CCDC180: variants seen among roughly 807,000 people sequenced by gnomAD.
CCDC180 encodes the protein coiled-coil domain-containing protein 180.
In CCDC180, 154 loss-of-function variants were observed where a neutral mutation model predicts 209.2. That is an observed-to-expected ratio of 0.74 (90% CI 0.65 to 0.84). The LOEUF is 0.84. CCDC180 is among the 40% of genes least tolerant of loss of function. The pLI, the probability that CCDC180 is intolerant of heterozygous loss-of-function variation, is 0.00. For synonymous variants in CCDC180, 778 were observed against 749.1 expected (o/e 1.04, Z -0.63); for missense variants, 1,874 against 1,997.3 (o/e 0.94, Z 1.18).
In CCDC180 at chr9:97,313,271, C is replaced by A; in HGVS notation, c.385C>A (p.Gln129Lys). The A allele has an allele frequency of 1.2e-6, 2 of 1,612,172 alleles. No individual in the cohort carries two copies. The highest frequency in any genetic ancestry group is 2.2e-5 in the South Asian group (2 of 91,002). ...EKISTSTFQR[Q>K]AEHKRKSYES... ...GATAAGCACCAGCACCTTTCAAAGG[C>A]AAGCAGAACACAAGAGGAAGAGCTA... The change falls in exon 5 of 37, where the codon CAA (glutamine) becomes AAA (lysine). Residue 129 changes from glutamine to lysine, a missense_variant. Gln to Lys is a moderately conservative substitution (Grantham distance 53). Transcript: ENST00000529487.
rs1275990027 is a variant in CCDC180, at chr9:97,314,968, G to C, written c.795+22G>C. The C allele has an allele frequency of 3.8e-6, 6 of 1,592,502 alleles. No homozygotes were observed. In the Admixed American group the frequency reaches 1.0e-4, roughly 27 times the overall value. On this transcript the variant is annotated intron_variant, in intron 8 of 36. Coordinates refer to ENST00000529487, the MANE Select transcript of CCDC180 (RefSeq NM_020893.6). ...CATGGTGAGTGGTTTTCCTGTGCAG[G>C]GATCAGCCCATGGGAGAAGGGGCAG...
At chr9:97,349,359 A>G (rs1050168413) in intron 21 of CCDC180, 68 bp downstream of exon 21, 39 of 1,377,848 alleles carry the variant, frequency 2.8e-5, no homozygotes, top group Non-Finnish European at 5.9e-6. Flanking sequence ...TGCTGCTTTC[A>G]AAGGAGCCCC....
chr9:97,333,509 T>TG, intron 18 of CCDC180, among the ~76,000 whole-genome samples: 3 of 77,076 alleles, frequency 3.9e-5, no homozygotes, highest in African/African-American at 2.5e-4. Context: ...TTGGGTTTTT[T>TG]TTTTTTTTTT....
Position 97,328,218 on chromosome 9 carries a change from T to C in CCDC180, c.1788+72T>C, listed in dbSNP as rs1833600803. Reference sequence around the variant, plus strand: ...GGGAGAGGCTGACTTCTTGTTATGATCTGCCTAGACTTTGAAAGCCATTCC... The same window carrying C: ...GGGAGAGGCTGACTTCTTGTTATGACCTGCCTAGACTTTGAAAGCCATTCC... On this transcript the variant is annotated intron_variant, in intron 16 of 36. Coordinates refer to ENST00000529487, the MANE Select transcript of CCDC180 (RefSeq NM_020893.6). 3.2e-6 allele frequency: 5 copies of C among 1,550,298 alleles called. No individual in the cohort carries two copies. In the Middle Eastern group the frequency reaches 6.9e-4, roughly 213 times the overall value.
chr9:97,343,715 A>G (rs1826162509), intron 19 of CCDC180, 152 bp downstream of exon 19: 1 of 631,628 alleles, frequency 1.6e-6, no homozygotes, highest in South Asian at 2.0e-5. Flanking sequence ...GAAACACAAT[A>G]AAAAATGGCA....
In CCDC180 at chr9:97,350,350, T is replaced by G; in HGVS notation, c.2856-59T>G. On this transcript the variant is annotated intron_variant, in intron 21 of 36. Coordinates refer to ENST00000529487, the MANE Select transcript of CCDC180 (RefSeq NM_020893.6). ...GCTGATCACCATCACCACCTGCCCC[T>G]CCCTTGTCCCCCAGGGTTGTCCCCC... 2.7e-6 allele frequency: 4 copies of G among 1,502,234 alleles called. No individual in the cohort carries two copies. The East Asian group carries it at 9.9e-5, about 37-fold the overall frequency. The allele number at this position is 1,502,234 out of a possible 1,614,324, so 93.1% of individuals were successfully genotyped here.
intron 18 of CCDC180, among the ~76,000 whole-genome samples, chr9:97,336,724 A>T (rs949724993): frequency 5.9e-5 from 9 of 152,114 alleles, no homozygotes; most frequent in East Asian, 1.9e-4. Flanking sequence ...CTTGATGGGG[A>T]TGGCATTGAA....
intron 18 of CCDC180, among the ~76,000 whole-genome samples, chr9:97,338,141 T>C (rs1288420736): frequency 2.6e-5 from 4 of 152,134 alleles, no homozygotes; most frequent in African/African-American, 9.7e-5. Context: ...TTTTGAAAGG[T>C]TTTTTGTGTC....
chr9:97,321,004 C>T (rs4743074), intron 11 of CCDC180, among the ~76,000 whole-genome samples: 44,812 of 151,928 alleles, frequency 0.29, 7,257 homozygotes, highest in African/African-American at 0.41. Flanking sequence ...TGCCTGGATA[C>T]GTGGTGTGAT....
At chr9:97,365,943 A>G (rs1826908461) in intron 30 of CCDC180, among the ~76,000 whole-genome samples, 1 of 152,236 alleles carries the variant, frequency 6.6e-6, no homozygotes, top group South Asian at 2.1e-4. Flanking sequence ...TTGATCACCA[A>G]ACATTTCTTA....
chr9:97,355,635 CAG>C (rs1826560986), intron 24 of CCDC180, among the ~76,000 whole-genome samples: 1 of 152,178 alleles, frequency 6.6e-6, no homozygotes, highest in Non-Finnish European at 1.5e-5. Flanking sequence ...GGTAGGAACA[CAG>C]AGCTCTTAAA....
At chr9:97,324,289 GTC>G (rs1195089847) in intron 13 of CCDC180, among the ~76,000 whole-genome samples, 2 of 152,202 alleles carry the variant, frequency 1.3e-5, no homozygotes, top group Non-Finnish European at 2.9e-5. Flanking sequence ...GGGCCATCAG[GTC>G]TCTGACGCAC....
chr9:97,318,326 G>C (rs930701528), intron 9 of CCDC180, 137 bp from the exon 10 acceptor site: 2 of 1,032,402 alleles, frequency 1.9e-6, no homozygotes, highest in African/African-American at 3.2e-5. Context: ...GCAAAGTCTG[G>C]GGAGGAAGGG....
At position 97,347,338 on chromosome 9, in the gene CCDC180, C is replaced by T. The variant is rs1479142624; in HGVS notation, c.2523C>T (p.His841=). The change falls in exon 20 of 37, where the codon CAC becomes CAT. Residue 841 remains histidine (H), a synonymous_variant. Coordinates refer to ENST00000529487, the MANE Select transcript of CCDC180 (RefSeq NM_020893.6). ...GACTTCGAGCTGGCTTCTTCGAGCA[C>T]CTTGAGAAGTGGTTTGACCAGTGTT... ...KKQLRAGFFE[H]LEKWFDQCSL... is the part of the protein sequence containing the mutation. 1 of 1,536,046 alleles carries T rather than the reference C, an allele frequency of 6.5e-7. No individual in the cohort carries two copies. Among genetic ancestry groups the T allele is most frequent in the South Asian group, 1.2e-5 (1 of 84,052 alleles).
chr9:97,357,669 C>T lies in CCDC180; in HGVS notation c.3307C>T (p.Leu1103=). 1 of 1,613,618 alleles carries T rather than the reference C, an allele frequency of 6.2e-7. No homozygotes were observed. Among genetic ancestry groups the T allele is most frequent in the African/African-American group, 1.3e-5 (1 of 74,994 alleles). Residue 1103 remains leucine (L), a synonymous_variant, in exon 25 of 37, where the codon CTG becomes TTG. Coordinates refer to ENST00000529487, the MANE Select transcript of CCDC180 (RefSeq NM_020893.6). ...GCAAACAAATGGATTAAATTTCTCT[C>T]TGCAACAGCTTCAGAACAAGATAAA... The part of the protein sequence containing the change: ...NSQTNGLNFS[L]QQLQNKIKTC...
intron 29 of CCDC180, 135 bp downstream of exon 29, chr9:97,364,263 A>G: frequency 1.4e-6 from 1 of 718,894 alleles, no homozygotes; most frequent in Non-Finnish European, 2.3e-6. Flanking sequence ...GAGAGGAGAT[A>G]GCAAGGTCAA....
At chr9:97,365,861 C>T in intron 30 of CCDC180, 122 bp downstream of exon 30, 1 of 787,262 alleles carries the variant, frequency 1.3e-6, no homozygotes. Context: ...GCCATGACCA[C>T]AGCTCCCCAG....
At chr9:97,314,978 A>G (rs1459525880) in intron 8 of CCDC180, 32 bp downstream of exon 8, 8 of 1,562,188 alleles carry the variant, frequency 5.1e-6, no homozygotes, top group Non-Finnish European at 7.1e-6. Context: ...GGATCAGCCC[A>G]TGGGAGAAGG....
At chr9:97,325,314 C>T (rs1833497144) in intron 14 of CCDC180, 122 bp downstream of exon 14, 3 of 1,023,984 alleles carry the variant, frequency 2.9e-6, no homozygotes, top group East Asian at 2.6e-5. Flanking sequence ...CATTGAGGCT[C>T]ACGTTGGTCA....
Sources: gnomAD v4.1 joint callset for allele counts (sites outside exome capture counted in the v4.1 genomes callset) on GRCh38, gnomAD v4.1.1 for gene constraint, MANE v1.5 for transcripts, NCBI Gene and HGNC (gene_info 2026-07-23, HGNC 2026-07-21) for gene names.